Variants in CADPS observed in about 807,000 individuals in gnomAD.
CADPS encodes the protein calcium-dependent secretion activator 1.
CADPS carries 57 observed loss-of-function variants against 167.3 expected under a neutral mutation model. That is an observed-to-expected ratio of 0.34 (90% CI 0.28 to 0.42). The LOEUF is 0.42. Ranked by LOEUF, CADPS falls within the 20% of genes least tolerant of loss-of-function variation. The probability of loss-of-function intolerance (pLI) is 1.00; values close to 1 mark genes in which losing one functional copy is unlikely to be tolerated. For missense variants in CADPS, 1,414 were observed against 1,738.1 expected (o/e 0.81, Z 3.32); for synonymous variants, 676 against 635.3 (o/e 1.06, Z -0.96).
chr3:62,736,720 T>C (rs994318188), intron 3 of CADPS, among the ~76,000 whole-genome samples: 10 of 152,208 alleles, frequency 6.6e-5, no homozygotes, highest in African/African-American at 2.2e-4. Context: ...TGCTAGAATA[T>C]GAAAAGAAGT....
At chr3:62,864,530 G>A (rs2081346833) in intron 1 of CADPS, among the ~76,000 whole-genome samples, 1 of 152,084 alleles carries the variant, frequency 6.6e-6, no homozygotes, top group African/African-American at 2.4e-5. Context: ...CCTAGTTTCT[G>A]GTAATTTGCT....
At chr3:62,501,139 C>G (rs1276812962) in intron 17 of CADPS, among the ~76,000 whole-genome samples, 1 of 152,270 alleles carries the variant, frequency 6.6e-6, no homozygotes, top group Non-Finnish European at 1.5e-5. Flanking sequence ...GAAACATAAA[C>G]ATGTGGATTA....
chr3:62,763,391 G>A (rs561660805), intron 2 of CADPS, among the ~76,000 whole-genome samples: 1 of 152,330 alleles, frequency 6.6e-6, no homozygotes, highest in East Asian at 1.9e-4. Context: ...GAGAGGTGGG[G>A]GGAAGATACC....
At chr3:62,825,950 A>G (rs2073963711) in intron 1 of CADPS, among the ~76,000 whole-genome samples, 2 of 152,194 alleles carry the variant, frequency 1.3e-5, no homozygotes, top group African/African-American at 4.8e-5. Flanking sequence ...GAGGGTGACA[A>G]TAAGATCTTC....
At position 62,544,552 on chromosome 3, in the gene CADPS, GTTAA is replaced by G. The variant is rs2076171861; in HGVS notation, c.1966+5347_1966+5350del. On this transcript the variant is annotated intron_variant, in intron 11 of 29. Transcript: ENST00000383710. The surrounding 1 kb of genome is among the most constrained non-coding windows in gnomAD (Gnocchi z 4.4). ...GCATTATTTGCCATTTTGTTGTGAT[GTTAA>G]TTAATATTCTTGGAATGAAAAAAAA... Among the ~76,000 whole-genome samples, 1 of 152,058 alleles carries G rather than the reference GTTAA, an allele frequency of 6.6e-6. No individual in the cohort carries two copies. Among genetic ancestry groups the G allele is most frequent in the Non-Finnish European group, 1.5e-5 (1 of 68,004 alleles).
At chr3:62,861,154 C>T (rs927554299) in intron 1 of CADPS, among the ~76,000 whole-genome samples, 1 of 152,096 alleles carries the variant, frequency 6.6e-6, no homozygotes, top group African/African-American at 2.4e-5. Context: ...CAGCTGGAAG[C>T]CAGATGGAAT....
chr3:62,399,630 T>C lies in CADPS; in HGVS notation c.3883-45A>G, dbSNP rs1333040685. The C allele has an allele frequency of 5.9e-6, 9 of 1,537,860 alleles. No homozygotes were observed. Among genetic ancestry groups the C allele is most frequent in the Middle Eastern group, 1.7e-4 (1 of 5,856 alleles). On this transcript the variant is annotated intron_variant, in intron 29 of 29. Coordinates refer to ENST00000383710, the MANE Select transcript of CADPS (RefSeq NM_003716.4). The surrounding 1 kb of genome is among the most constrained non-coding windows in gnomAD (Gnocchi z 5.6). ...AGTGATAAGAGAGATCTCATCTCCA[T>C]GATGGGGAGGGAGAAGGTAAAAGCA...
chr3:62,518,737 T>C (rs2069631917), intron 13 of CADPS, among the ~76,000 whole-genome samples: 1 of 152,148 alleles, frequency 6.6e-6, no homozygotes, highest in Admixed American at 6.6e-5. Context: ...ATCTCTCTTG[T>C]AGGCACTTGG....
intron 1 of CADPS, among the ~76,000 whole-genome samples, chr3:62,783,741 C>G (rs73842262): frequency 0.03 from 4,514 of 152,216 alleles, 238 homozygotes; most frequent in African/African-American, 0.1. Flanking sequence ...TCCACACGCT[C>G]AAGTACTGTA....
At chr3:62,628,452 T>C (rs755765084) in intron 6 of CADPS, among the ~76,000 whole-genome samples, 47 of 152,172 alleles carry the variant, frequency 3.1e-4, no homozygotes, top group Non-Finnish European at 3.4e-4. Flanking sequence ...ATATGCTTTG[T>C]ACTGATAGTG....
chr3:62,729,719 G>A (rs1213329915), intron 3 of CADPS, among the ~76,000 whole-genome samples: 1 of 151,838 alleles, frequency 6.6e-6, no homozygotes, highest in Non-Finnish European at 1.5e-5. Flanking sequence ...TGTTATTATT[G>A]TTGTTGTTTT....
chr3:62,818,870 A>T (rs1247795666), intron 1 of CADPS, among the ~76,000 whole-genome samples: 1 of 152,234 alleles, frequency 6.6e-6, no homozygotes, highest in Non-Finnish European at 1.5e-5. Flanking sequence ...CTACTGATAC[A>T]CACAACATAG....
At chr3:62,573,356 T>A (rs1367645145) in intron 8 of CADPS, among the ~76,000 whole-genome samples, 1 of 152,206 alleles carries the variant, frequency 6.6e-6, no homozygotes, top group Non-Finnish European at 1.5e-5. Context: ...GGTTTGTTGA[T>A]TTCTCAGATG....
At chr3:62,797,366 T>G (rs2093489080) in intron 1 of CADPS, among the ~76,000 whole-genome samples, 1 of 152,158 alleles carries the variant, frequency 6.6e-6, no homozygotes, top group African/African-American at 2.4e-5. Context: ...CCCAGCACTT[T>G]GCATGCAGTA....
rs2054276254 is a variant in CADPS, at chr3:62,433,023, C to T, written c.3777+5081G>A. ...ATATTTTTGGAAGTGGTTTCCCTTA[C>T]CTGGACAGCTGGTGATATACCTTAC... On this transcript the variant is annotated intron_variant, in intron 28 of 29. Transcript: ENST00000383710. The surrounding 1 kb of genome is among the most constrained non-coding windows in gnomAD (Gnocchi z 4.7). Among the ~76,000 whole-genome samples, 1 of 152,146 alleles carries T rather than the reference C, an allele frequency of 6.6e-6. No homozygotes were observed. Among genetic ancestry groups the T allele is most frequent in the African/African-American group, 2.4e-5 (1 of 41,432 alleles).
At chr3:62,696,047 G>A (rs946834014) in intron 3 of CADPS, among the ~76,000 whole-genome samples, 1 of 152,066 alleles carries the variant, frequency 6.6e-6, no homozygotes, top group Non-Finnish European at 1.5e-5. Flanking sequence ...ACTTCAGGGG[G>A]CCAAGGGCCT....
intron 3 of CADPS, among the ~76,000 whole-genome samples, chr3:62,674,804 T>G (rs1030792787): frequency 5.3e-5 from 8 of 152,226 alleles, no homozygotes; most frequent in African/African-American, 1.9e-4. Context: ...TTTGTTGGAC[T>G]ATATAGATGC....
chr3:62,625,690 T>C (rs1236709881), intron 6 of CADPS: 2 of 150,844 alleles, frequency 1.3e-5, no homozygotes, highest in East Asian at 1.9e-4. Context: ...TCTGAGACTA[T>C]AGGTGTTGGC....
At chr3:62,570,285 A>C (rs1440732269) in intron 9 of CADPS, among the ~76,000 whole-genome samples, 1 of 152,088 alleles carries the variant, frequency 6.6e-6, no homozygotes, top group Non-Finnish European at 1.5e-5. Context: ...CCTAGATATT[A>C]AACATAGTTA....
Sources: allele counts gnomAD v4.1 joint callset (sites outside exome capture counted in the v4.1 genomes callset), GRCh38; gene constraint gnomAD v4.1.1; non-coding constraint Gnocchi (gnomAD v3.1); transcripts MANE v1.5; gene names NCBI Gene and HGNC (gene_info 2026-07-23, HGNC 2026-07-21).